The following EIF4A3 variants were observed in gnomAD, a reference collection of about 807,000 sequenced individuals.
EIF4A3 encodes the protein eukaryotic translation initiation factor 4A3, also known as eukaryotic initiation factor 4A-III.
In EIF4A3, 1 loss-of-function variant was observed where a neutral mutation model predicts 55.6. That is an observed-to-expected ratio of 0.02 (90% CI 0.01 to 0.09). The LOEUF (loss-of-function observed/expected upper bound fraction) is 0.09, where lower values mean the gene tolerates loss of function less well. EIF4A3 is among the 10% of genes least tolerant of loss of function. The pLI, the probability that EIF4A3 is intolerant of heterozygous loss-of-function variation, is 1.00. For missense variants in EIF4A3, 221 were observed against 540.7 expected, an observed-to-expected ratio of 0.41 and a Z score of 5.86; for synonymous variants, 194 against 196.3, an observed-to-expected ratio of 0.99 and a Z score of 0.10.
chr17:80,145,102 C>T (rs1340364933), intron 1 of EIF4A3, among the ~76,000 whole-genome samples: 1 of 152,176 alleles, frequency 6.6e-6, no homozygotes, highest in Admixed American at 6.5e-5. Context: ...TCATGAAGAG[C>T]AAGCACATAG....
Position 80,147,108 on chromosome 17 carries a change from TGCCGCTGCCG to T in EIF4A3, c.-157_-148del, listed in dbSNP as rs2039676024. The T allele has an allele frequency of 8.3e-7, 1 of 1,199,240 alleles. No homozygotes were observed. The highest frequency in any genetic ancestry group is 1.7e-5 in the African/African-American group (1 of 60,070). The allele number at this position is 1,199,240 out of a possible 1,614,324, so 74.3% of individuals were successfully genotyped here. A position where few individuals can be genotyped will look rare whatever the true frequency, so the allele number is the denominator to read the frequency against. On this transcript the variant is annotated 5_prime_UTR_variant, in exon 1 of 12. Coordinates refer to ENST00000649764, the MANE Select transcript of EIF4A3 (RefSeq NM_014740.4). ...CGCTGTGCCGCTGCCGACCTCGCTGTGCCGCTGCCGACCTCGCTGTGCCGCTGCCGAGAAC... is the reference window on the plus strand; with the variant it reads ...CGCTGTGCCGCTGCCGACCTCGCTGTACCTCGCTGTGCCGCTGCCGAGAAC...
intron 1 of EIF4A3, among the ~76,000 whole-genome samples, chr17:80,145,431 G>A (rs117442994): frequency 0.015 from 2,306 of 152,222 alleles, 79 homozygotes; most frequent in South Asian, 0.11. Context: ...GGACGTGGTG[G>A]CCCACACCTA....
At chr17:80,139,374 G>A in intron 6 of EIF4A3, 1 of 685,074 alleles carries the variant, frequency 1.5e-6, no homozygotes, top group South Asian at 2.1e-5. Context: ...GAGGGAATCT[G>A]GTTTCCCTTT....
rs757676343 is a variant in EIF4A3, at chr17:80,137,390, C to T, written c.979G>A (p.Ala327Thr). The change falls in exon 9 of 12, where the codon GCC becomes ACC. Residue 327 changes from alanine to threonine, a missense_variant. Ala to Thr is a moderately conservative substitution (Grantham distance 58). This residue lies in a region of EIF4A3 where 93 missense variants were observed against 278.5 expected (regional missense o/e 0.33). Coordinates refer to ENST00000649764, the MANE Select transcript of EIF4A3 (RefSeq NM_014740.4). ...ESIMKEFRSG[A>T]SRVLISTDVW... ...GCCACAGCATAGCAGACCCACCTGG[C>T]GCCCGACCGGAACTCCTTCATGATG... 3.2e-5 allele frequency: 52 copies of T among 1,612,912 alleles called. No homozygotes were observed. Among genetic ancestry groups the T allele is most frequent in the Non-Finnish European group, 4.1e-5 (48 of 1,179,580 alleles).
chr17:80,141,355 C>A lies in EIF4A3; in HGVS notation c.336G>T (p.Leu112Phe). 1 of 1,613,630 alleles carries A rather than the reference C, an allele frequency of 6.2e-7. No homozygotes were observed. The highest frequency in any genetic ancestry group is 1.1e-5 in the South Asian group (1 of 91,046). ...GCACAGCCAACTCTCTTGTGGGAGC[C>A]AAGATCAAAGCTTGAGTTTCACGAA... ...IQVRETQALI[L>F]APTRELAVQI... Residue 112 changes from leucine (L) to phenylalanine (F), a missense_variant, in exon 4 of 12, where the codon TTG becomes TTT. Physicochemically the swap from Leu to Phe is conservative, Grantham distance 22. Coordinates refer to ENST00000649764, the MANE Select transcript of EIF4A3 (RefSeq NM_014740.4).
At chr17:80,135,818 C>G in intron 11 of EIF4A3, 186 bp downstream of exon 11, 1 of 702,474 alleles carries the variant, frequency 1.4e-6, no homozygotes, top group Middle Eastern at 4.0e-4. Flanking sequence ...TTGCTTGAAC[C>G]CAGGAGGCAG....
chr17:80,135,680 G>C, intron 11 of EIF4A3, 174 bp from the exon 12 acceptor site: 1 of 640,158 alleles, frequency 1.6e-6, no homozygotes, highest in Non-Finnish European at 2.7e-6. Context: ...CAGATCATTT[G>C]AGGCCAGGAG....
chr17:80,141,894 A>T lies in EIF4A3; in HGVS notation c.243-46T>A, dbSNP rs769555775. ...AGTGGGATTAGAGGGAGGACAGGCC[A>T]CGCCACAGCTGCACTCCAAGGCCTG... On this transcript the variant is annotated intron_variant, in intron 2 of 11. Transcript: ENST00000649764. 1.4e-5 allele frequency: 21 copies of T among 1,536,866 alleles called. No homozygotes were observed. In the Admixed American group the frequency reaches 1.9e-4, roughly 14 times the overall value.
At chr17:80,137,669 T>C (rs1400829434) in intron 8 of EIF4A3, 168 bp from the exon 9 acceptor site, 14 of 597,556 alleles carry the variant, frequency 2.3e-5, no homozygotes, top group Non-Finnish European at 3.8e-5. Flanking sequence ...TCCCAGAAAA[T>C]GTTGGGGTGC....
At chr17:80,137,991 T>C in intron 8 of EIF4A3, 151 bp downstream of exon 8, 1 of 1,011,318 alleles carries the variant, frequency 9.9e-7, no homozygotes, top group Non-Finnish European at 1.4e-6. Flanking sequence ...GTTTGCATAT[T>C]GTCTACAGCT....
At chr17:80,139,597 T>C (rs1044550261) in intron 6 of EIF4A3, 73 bp downstream of exon 6, 3 of 1,367,258 alleles carry the variant, frequency 2.2e-6, no homozygotes, top group Non-Finnish European at 3.1e-6. Context: ...ACTGGCTGTT[T>C]CAATTTTACA....
rs756092935 is a variant in EIF4A3, at chr17:80,138,196, G to C, written c.813C>G (p.Leu271=). 1.2e-6 allele frequency: 2 copies of C among 1,614,132 alleles called. No individual in the cohort carries two copies. The highest frequency in any genetic ancestry group is 3.3e-5 in the Admixed American group (2 of 60,024). The change falls in exon 8 of 12, where the codon CTC becomes CTG. Residue 271 remains leucine (L), a synonymous_variant. Transcript: ENST00000649764. ...EEWKFDTLCD[L]YDTLTITQAV... ...CCTGAGTGATGGTCAGTGTGTCGTAGAGGTCACACAGAGTGTCAAATTTCC... is the reference window on the plus strand; with the variant it reads ...CCTGAGTGATGGTCAGTGTGTCGTACAGGTCACACAGAGTGTCAAATTTCC...
At chr17:80,138,522 C>G (rs1598604248) in intron 7 of EIF4A3, 1 of 462,838 alleles carries the variant, frequency 2.2e-6, no homozygotes, top group Non-Finnish European at 3.8e-6. Context: ...AAACGAAACA[C>G]TGATAAATAA....
chr17:80,146,895 T>G lies in EIF4A3; in HGVS notation c.67A>C (p.Met23Leu). 1 of 1,611,154 alleles carries G rather than the reference T, an allele frequency of 6.2e-7. No homozygotes were observed. Among genetic ancestry groups the G allele is most frequent in the Non-Finnish European group, 8.5e-7 (1 of 1,178,968 alleles). Residue 23 changes from methionine to leucine, a missense_variant, in exon 1 of 12, where the codon ATG becomes CTG. Transcript: ENST00000649764. ...CTGGTCTCGAATTCCACTTTAGTCA[T>G]GTCTTCCTCTTTGAGCAGCCGCTTT... is the stretch of plus-strand genomic sequence containing the variant. ...ARKRLLKEED[M>L]TKVEFETSEE...
rs1279194448 is a variant in EIF4A3 at position 80,147,029 on chromosome 17, G to GTGCCGCTGCCGACCTCGC, written c.-86_-69dup. 862 of 1,243,618 alleles carry GTGCCGCTGCCGACCTCGC rather than the reference G, an allele frequency of 6.9e-4. 10 individuals are homozygous for GTGCCGCTGCCGACCTCGC. Among genetic ancestry groups the GTGCCGCTGCCGACCTCGC allele is most frequent in the Middle Eastern group, 1.2e-3 (4 of 3,264 alleles). The allele number at this position is 1,243,618 out of a possible 1,614,324, so 77.0% of individuals were successfully genotyped here. ...CCTCGCTGCCGCTGCCGACCTCGCT[G>GTGCCGCTGCCGACCTCGC]TGCCGCTGCCGACCTCGCTGCCGCT... On this transcript the variant is annotated 5_prime_UTR_variant, in exon 1 of 12. Transcript: ENST00000649764.
At chr17:80,140,217 C>A in intron 4 of EIF4A3, 77 bp from the exon 5 acceptor site, 3 of 1,413,568 alleles carry the variant, frequency 2.1e-6, no homozygotes, top group South Asian at 3.2e-5. Context: ...GACTGTTTCT[C>A]CTCCGAGATG....
intron 7 of EIF4A3, chr17:80,138,696 A>G: frequency 8.7e-6 from 3 of 346,684 alleles, no homozygotes; most frequent in Non-Finnish European, 1.6e-5. Context: ...TCCTGACCTC[A>G]AGCGATCCTC....
At position 80,137,404 on chromosome 17, in the gene EIF4A3, T is replaced by G; in HGVS notation, c.965A>C (p.Glu322Ala). The G allele has an allele frequency of 6.2e-7, 1 of 1,613,840 alleles. No individual in the cohort carries two copies. Among genetic ancestry groups the G allele is most frequent in the Non-Finnish European group, 8.5e-7 (1 of 1,179,904 alleles). Reference protein sequence around the residue: ...PQKERESIMKEFRSGASRVLI... With the variant: ...PQKERESIMKAFRSGASRVLI... ...GACCCACCTGGCGCCCGACCGGAAC[T>G]CCTTCATGATGGACTCCCGCTCTTT... Residue 322 changes from glutamate to alanine, a missense_variant, in exon 9 of 12, where the codon GAG (glutamate) becomes GCG (alanine). Around this residue, in one of 4 missense-constraint regions of EIF4A3, gnomAD observed 93 missense variants for 278.5 expected, o/e 0.33. Coordinates refer to ENST00000649764, the MANE Select transcript of EIF4A3 (RefSeq NM_014740.4).
rs544804932 is a variant in EIF4A3, at chr17:80,142,038, G to A, written c.243-190C>T. 5.3e-5 allele frequency among the ~76,000 whole-genome samples: 8 copies of A among 152,348 alleles called. No homozygotes were observed. In the East Asian group the frequency reaches 1.5e-3, roughly 29 times the overall value. On this transcript the variant is annotated intron_variant, in intron 2 of 11. Coordinates refer to ENST00000649764, the MANE Select transcript of EIF4A3 (RefSeq NM_014740.4). ...AGCTTGTTAAGTGTCCATGAAGAAA[G>A]AGAGTAGACATGGCTTCTGCACGGG... is the stretch of plus-strand genomic sequence containing the variant.
Sources: gnomAD v4.1 joint callset for allele counts (sites outside exome capture counted in the v4.1 genomes callset) on GRCh38, gnomAD v4.1.1 for gene constraint, gnomAD v4.1.1 regional missense constraint, MANE v1.5 for transcripts, NCBI Gene and HGNC (gene_info 2026-07-23, HGNC 2026-07-21) for gene names.